The following AGPAT4 variants were observed in gnomAD, a reference collection of about 807,000 sequenced individuals.
AGPAT4 encodes the protein 1-acyl-sn-glycerol-3-phosphate acyltransferase delta.
A neutral mutation model predicts 48.0 loss-of-function variants in AGPAT4; 15 were observed. The observed-to-expected ratio is 0.31, with a 90% CI of 0.21 to 0.48. The LOEUF (loss-of-function observed/expected upper bound fraction) is 0.48. AGPAT4 is among the 20% of genes least tolerant of loss of function. The probability of loss-of-function intolerance (pLI) is 0.99; values close to 1 mark genes in which losing one functional copy is unlikely to be tolerated. For synonymous variants in AGPAT4, 178 were observed against 198.7 expected (o/e 0.90, Z 0.88); for missense variants, 314 against 482.5 (o/e 0.65, Z 3.27).
rs150815661 is a variant in AGPAT4 at position 161,130,238 on chromosome 6, G to C, written c.*6302C>G. 2.6e-5 allele frequency: 4 copies of C among 152,526 alleles called. No homozygotes were observed. The highest frequency in any genetic ancestry group is 7.2e-5 in the African/African-American group (3 of 41,552). The allele number at this position is 152,526 out of a possible 1,614,324, so 9.4% of individuals were successfully genotyped here. On this transcript the variant is annotated 3_prime_UTR_variant, in exon 9 of 9. Transcript: ENST00000320285. ...TTCTCTCAAAGACTAGCATGGTTCTGTCCAATACCTTGCTCTAATTCCAAT... is the reference window on the plus strand; with the variant it reads ...TTCTCTCAAAGACTAGCATGGTTCTCTCCAATACCTTGCTCTAATTCCAAT...
At chr6:161,248,571 C>CA (rs35527158) in intron 1 of AGPAT4, among the ~76,000 whole-genome samples, 6,965 of 62,924 alleles carry the variant, frequency 0.11, 445 homozygotes, top group Middle Eastern at 0.23. Context: ...GACTCTGTCT[C>CA]AAAAAAAAAA....
At position 161,254,515 on chromosome 6, in the gene AGPAT4, C is replaced by T. The variant is rs994844381; in HGVS notation, c.-90+19423G>A. On this transcript the variant is annotated intron_variant, in intron 1 of 8. Transcript: ENST00000320285. This position sits in a 1 kb window ranked among gnomAD's most constrained non-coding sequence, Gnocchi z 5.9. Reference sequence around the variant, plus strand: ...CAGCGAATATTTATAGAGCCTCTACCGCGTGGCCCTGGTGATCTTTTCTCA... The same window carrying T: ...CAGCGAATATTTATAGAGCCTCTACTGCGTGGCCCTGGTGATCTTTTCTCA... Among the ~76,000 whole-genome samples, 2 of 152,198 alleles carry T rather than the reference C, an allele frequency of 1.3e-5. No individual in the cohort carries two copies. Among genetic ancestry groups the T allele is most frequent in the African/African-American group, 2.4e-5 (1 of 41,440 alleles).
At chr6:161,167,467 T>A in intron 2 of AGPAT4, among the ~76,000 whole-genome samples, 1 of 152,198 alleles carries the variant, frequency 6.6e-6, no homozygotes, top group Non-Finnish European at 1.5e-5. Context: ...CAAGCAATCC[T>A]CCTACCTCAG....
chr6:161,225,473 C>T lies in AGPAT4; in HGVS notation c.178+6563G>A, dbSNP rs1413898881. On this transcript the variant is annotated intron_variant, in intron 2 of 8. Coordinates refer to ENST00000320285, the MANE Select transcript of AGPAT4 (RefSeq NM_020133.3). This position sits in a 1 kb window ranked among gnomAD's most constrained non-coding sequence, Gnocchi z 5.0. ...AGAATTAAAAAGAAAATTTTATATT[C>T]GAGTGCTATTTCTTTTGCAGCACCG... Among the ~76,000 whole-genome samples, 3 of 152,300 alleles carry T rather than the reference C, an allele frequency of 2.0e-5. No individual in the cohort carries two copies. The highest frequency in any genetic ancestry group is 2.4e-5 in the African/African-American group (1 of 41,570).
chr6:161,161,739 A>G lies in AGPAT4; in HGVS notation c.348+4509T>C. The G allele has an allele frequency of 3.0e-6, 1 of 330,948 alleles. No homozygotes were observed. Among genetic ancestry groups the G allele is most frequent in the South Asian group, 2.5e-5 (1 of 40,710 alleles). The allele number at this position is 330,948 out of a possible 1,614,324, so 20.5% of individuals were successfully genotyped here. ...GGTGAAATAATGCTGTGTTGCATGA[A>G]CACGGTCTCCTAGAGAAACCACACA... On this transcript the variant is annotated intron_variant, in intron 3 of 8. Coordinates refer to ENST00000320285, the MANE Select transcript of AGPAT4 (RefSeq NM_020133.3). The surrounding 1 kb of genome is among the most constrained non-coding windows in gnomAD (Gnocchi z 4.6).
rs2115039529 is a variant in AGPAT4, at chr6:161,236,168, T to A, written c.-89-3866A>T. Reference sequence around the variant, plus strand: ...AGTGGCTTATTACATGAGGCAAGAATATGACAAAGAACTTATGCTGTTTCT... The same window carrying A: ...AGTGGCTTATTACATGAGGCAAGAAAATGACAAAGAACTTATGCTGTTTCT... On this transcript the variant is annotated intron_variant, in intron 1 of 8. Transcript: ENST00000320285. The surrounding 1 kb of genome is among the most constrained non-coding windows in gnomAD (Gnocchi z 5.0). Among the ~76,000 whole-genome samples the A allele has an allele frequency of 6.6e-6, 1 of 152,218 alleles. No individual in the cohort carries two copies. The highest frequency in any genetic ancestry group is 1.9e-4 in the East Asian group (1 of 5,170).
At chr6:161,157,032 G>A (rs1025804620) in intron 3 of AGPAT4, among the ~76,000 whole-genome samples, 2 of 152,178 alleles carry the variant, frequency 1.3e-5, no homozygotes, top group African/African-American at 4.8e-5. Flanking sequence ...AAGACTCTCA[G>A]CTCTGAAGGC....
chr6:161,204,457 TA>T lies in AGPAT4; in HGVS notation c.178+27578del, dbSNP rs1348552013. 2.6e-5 allele frequency among the ~76,000 whole-genome samples: 4 copies of T among 152,158 alleles called. No homozygotes were observed. The highest frequency in any genetic ancestry group is 9.6e-5 in the African/African-American group (4 of 41,452). The stretch of plus-strand genomic sequence containing the variant: ...CCAATTTTATCACCAGTTCCAACCT[TA>T]AAGGTAAATACTTCAGTTACTATTT... On this transcript the variant is annotated intron_variant, in intron 2 of 8. Coordinates refer to ENST00000320285, the MANE Select transcript of AGPAT4 (RefSeq NM_020133.3). This position sits in a 1 kb window ranked among gnomAD's most constrained non-coding sequence, Gnocchi z 4.4.
chr6:161,218,901 C>CTG lies in AGPAT4; in HGVS notation c.178+13133_178+13134dup, dbSNP rs1781729066. On this transcript the variant is annotated intron_variant, in intron 2 of 8. Coordinates refer to ENST00000320285, the MANE Select transcript of AGPAT4 (RefSeq NM_020133.3). The surrounding 1 kb of genome is among the most constrained non-coding windows in gnomAD (Gnocchi z 4.7). ...ATCTACCAAACAGTATGATAAAACA[C>CTG]TGTATCTACCAAAGCGTTTCTAGGA... 6.6e-6 allele frequency among the ~76,000 whole-genome samples: 1 copy of CTG among 151,722 alleles called. No homozygotes were observed. Among genetic ancestry groups the CTG allele is most frequent in the Non-Finnish European group, 1.5e-5 (1 of 67,852 alleles).
chr6:161,138,244 ATTTTAAT>A lies in AGPAT4; in HGVS notation c.1042+1171_1042+1177del, dbSNP rs1779138382. On this transcript the variant is annotated intron_variant, in intron 8 of 8. Coordinates refer to ENST00000320285, the MANE Select transcript of AGPAT4 (RefSeq NM_020133.3). This position sits in a 1 kb window ranked among gnomAD's most constrained non-coding sequence, Gnocchi z 4.8. ...TACACGGTGTGGGTGTTGTTTTAAT[ATTTTAAT>A]TTTTAACACTAAAATACATCTTAAT... Among the ~76,000 whole-genome samples, 1 of 152,166 alleles carries A rather than the reference ATTTTAAT, an allele frequency of 6.6e-6. No individual in the cohort carries two copies. Among genetic ancestry groups the A allele is most frequent in the African/African-American group, 2.4e-5 (1 of 41,438 alleles).
rs1781119030 is a variant in AGPAT4, at chr6:161,198,050, A to T, written c.179-31633T>A. Among the ~76,000 whole-genome samples the T allele has an allele frequency of 6.6e-6, 1 of 151,224 alleles. No homozygotes were observed. The highest frequency in any genetic ancestry group is 1.5e-5 in the Non-Finnish European group (1 of 67,854). On this transcript the variant is annotated intron_variant, in intron 2 of 8. Coordinates refer to ENST00000320285, the MANE Select transcript of AGPAT4 (RefSeq NM_020133.3). This position sits in a 1 kb window ranked among gnomAD's most constrained non-coding sequence, Gnocchi z 4.3. The stretch of plus-strand genomic sequence containing the variant: ...CAGTCTCTCATACTTCATTCTTCCC[A>T]CTCTTCTTTTGTTTAATATTTTAAA...
chr6:161,204,035 T>C lies in AGPAT4; in HGVS notation c.178+28001A>G, dbSNP rs552873737. ...GTGACCTTGAAGCCAAAGCCACTCA[T>C]GATTAATGTTGATTCTAGGTTGTTA... On this transcript the variant is annotated intron_variant, in intron 2 of 8. Transcript: ENST00000320285. This position sits in a 1 kb window ranked among gnomAD's most constrained non-coding sequence, Gnocchi z 4.4. Among the ~76,000 whole-genome samples, 10 of 152,336 alleles carry C rather than the reference T, an allele frequency of 6.6e-5. No homozygotes were observed. In the East Asian group the frequency reaches 1.5e-3, roughly 23 times the overall value.
rs1355370051 is a variant in AGPAT4 at position 161,169,700 on chromosome 6, T to C, written c.179-3283A>G. On this transcript the variant is annotated intron_variant, in intron 2 of 8. Coordinates refer to ENST00000320285, the MANE Select transcript of AGPAT4 (RefSeq NM_020133.3). The surrounding 1 kb of genome is among the most constrained non-coding windows in gnomAD (Gnocchi z 5.0). ...ACAGAAACACATTTATACAGTCACA[T>C]TGTAAAATGATTCAAACAACCCAGA... 6.6e-6 allele frequency among the ~76,000 whole-genome samples: 1 copy of C among 152,212 alleles called. No homozygotes were observed. The highest frequency in any genetic ancestry group is 1.9e-4 in the East Asian group (1 of 5,190).
rs1469429153 is a variant in AGPAT4 at position 161,214,173 on chromosome 6, G to T, written c.178+17863C>A. On this transcript the variant is annotated intron_variant, in intron 2 of 8. Coordinates refer to ENST00000320285, the MANE Select transcript of AGPAT4 (RefSeq NM_020133.3). This position sits in a 1 kb window ranked among gnomAD's most constrained non-coding sequence, Gnocchi z 5.4. ...AAGCCCCTCTCCTTCGAGTTGTCCT[G>T]CCTTTCCAGACCAAACCAATGTTCA... Among the ~76,000 whole-genome samples the T allele has an allele frequency of 3.3e-5, 5 of 152,102 alleles. No homozygotes were observed. The highest frequency in any genetic ancestry group is 1.3e-4 in the Admixed American group (2 of 15,268).
At chr6:161,188,677 T>C (rs1326803456) in intron 2 of AGPAT4, among the ~76,000 whole-genome samples, 1 of 152,210 alleles carries the variant, frequency 6.6e-6, no homozygotes, top group African/African-American at 2.4e-5. Context: ...TTTTATTTGT[T>C]AAATCTGGCG....
At position 161,136,370 on chromosome 6, in the gene AGPAT4, A is replaced by G. The variant is rs1233091409; in HGVS notation, c.*170T>C. ...CATGGGGAAAAAAAGATTACAAAAC[A>G]TCTTCCTCCCCATCCGGCCTTGAGA... On this transcript the variant is annotated 3_prime_UTR_variant, in exon 9 of 9. Transcript: ENST00000320285. The G allele has an allele frequency of 1.3e-5, 8 of 610,868 alleles. 1 individual carries two copies. Among genetic ancestry groups the G allele is most frequent in the African/African-American group, 1.1e-4 (6 of 53,984 alleles). 37.8% of individuals were successfully genotyped at this position (610,868 alleles called of 1,614,324 possible).
At chr6:161,182,155 CGCCCCA>C (rs1389636198) in intron 2 of AGPAT4, among the ~76,000 whole-genome samples, 1 of 151,902 alleles carries the variant, frequency 6.6e-6, no homozygotes, top group East Asian at 1.9e-4. Context: ...CCCAGCCCCT[CGCCCCA>C]GCACCTCGTC....
At position 161,130,475 on chromosome 6, in the gene AGPAT4, T is replaced by C. The variant is rs781560305; in HGVS notation, c.*6065A>G. 1.4e-4 allele frequency: 22 copies of C among 160,846 alleles called. No individual in the cohort carries two copies. Among genetic ancestry groups the C allele is most frequent in the Non-Finnish European group, 2.2e-4 (16 of 72,882 alleles). The allele number at this position is 160,846 out of a possible 1,614,324, so 10.0% of individuals were successfully genotyped here. On this transcript the variant is annotated 3_prime_UTR_variant, in exon 9 of 9. Transcript: ENST00000320285. ...ATTACCTCCCTCCAGGTCTGTTTCC[T>C]CAAAGATCATCCCTTAGTGGGTCAC...
intron 2 of AGPAT4, among the ~76,000 whole-genome samples, chr6:161,205,957 A>T (rs1781367918): frequency 6.6e-6 from 1 of 151,926 alleles, no homozygotes; most frequent in African/African-American, 2.4e-5. Context: ...AACGTAAGAG[A>T]CTCTGAAAGG....
Sources: gnomAD v4.1 joint callset for allele counts (sites outside exome capture counted in the v4.1 genomes callset) on GRCh38, gnomAD v4.1.1 for gene constraint, Gnocchi (gnomAD v3.1) non-coding constraint, MANE v1.5 for transcripts, NCBI Gene and HGNC (gene_info 2026-07-23, HGNC 2026-07-21) for gene names.